SLC41A1: variants seen among roughly 807,000 people sequenced by gnomAD.
The protein encoded by SLC41A1 is solute carrier family 41 (magnesium transporter), member 1.
Under a neutral mutation model 47.3 loss-of-function variants are expected in SLC41A1, and 20 were observed. The observed-to-expected ratio is 0.42, with a 90% CI of 0.30 to 0.61. The LOEUF (loss-of-function observed/expected upper bound fraction) is 0.61. Ranked by LOEUF, SLC41A1 falls within the 20% of genes least tolerant of loss-of-function variation. SLC41A1 has a pLI of 0.17. For synonymous variants in SLC41A1, 282 were observed against 272.7 expected (o/e 1.03, Z -0.34); for missense variants, 504 against 674.1 (o/e 0.75, Z 2.79).
rs1656191836 is a variant in SLC41A1 at position 205,812,865 on chromosome 1, C to G, written c.-704G>C. On this transcript the variant is annotated 5_prime_UTR_variant, in exon 1 of 11. Coordinates refer to ENST00000367137, the MANE Select transcript of SLC41A1 (RefSeq NM_173854.6). ...GGCAAGTGGCAGCGTGGCCCGTGGT[C>G]TCGGGGGGTGCAGGGCACCCCCTCT... 1 of 985,394 alleles carries G rather than the reference C, an allele frequency of 1.0e-6. No individual in the cohort carries two copies. 61.0% of individuals were successfully genotyped at this position (985,394 alleles called of 1,614,324 possible).
At chr1:205,805,677 C>T (rs1438171086) in intron 2 of SLC41A1, among the ~76,000 whole-genome samples, 1 of 152,194 alleles carries the variant, frequency 6.6e-6, no homozygotes, top group Non-Finnish European at 1.5e-5. Context: ...GTGTGAGGGG[C>T]TCATGGATCC....
At chr1:205,805,338 G>C (rs1655991274) in intron 2 of SLC41A1, among the ~76,000 whole-genome samples, 1 of 152,226 alleles carries the variant, frequency 6.6e-6, no homozygotes, top group Non-Finnish European at 1.5e-5. Context: ...ACTCTGGAAA[G>C]AGATGCTGGA....
intron 8 of SLC41A1, chr1:205,795,772 C>T (rs1211864214): frequency 6.1e-6 from 3 of 491,130 alleles, no homozygotes; most frequent in African/African-American, 3.9e-5. Flanking sequence ...GGAAAGGATA[C>T]GTGCAGATCT....
At position 205,803,039 on chromosome 1, in the gene SLC41A1, C is replaced by G. The variant is rs375787945; in HGVS notation, c.373-1979G>C. ...CAAAAATTAGCCGGGAATGGTGGCG[C>G]ACACCTGTAATCCCAGCTACTGGGG... On this transcript the variant is annotated intron_variant, in intron 2 of 10. Transcript: ENST00000367137. 1.0e-3 allele frequency among the ~76,000 whole-genome samples: 157 copies of G among 152,160 alleles called. 1 individual carries two copies. The South Asian group carries it at 0.025, about 24-fold the overall frequency.
chr1:205,808,223 T>C (rs1228144710), intron 2 of SLC41A1, among the ~76,000 whole-genome samples: 1 of 152,190 alleles, frequency 6.6e-6, no homozygotes, highest in Non-Finnish European at 1.5e-5. Flanking sequence ...CCCAAAGTGC[T>C]AGGATTACAG....
chr1:205,794,529 T>C (rs1474726264), intron 10 of SLC41A1, among the ~76,000 whole-genome samples: 1 of 152,130 alleles, frequency 6.6e-6, no homozygotes, highest in African/African-American at 2.4e-5. Flanking sequence ...AACAGAGCCA[T>C]GTGGAGCTCT....
intron 1 of SLC41A1, among the ~76,000 whole-genome samples, chr1:205,812,410 A>G (rs1656178373): frequency 6.6e-6 from 1 of 152,176 alleles, no homozygotes; most frequent in African/African-American, 2.4e-5. Context: ...CCAGGAGGAA[A>G]CCTCTGAGTC....
rs73082312 is a variant in SLC41A1, at chr1:205,807,445, G to C, written c.372+2625C>G. 1.3e-3 allele frequency among the ~76,000 whole-genome samples: 191 copies of C among 152,302 alleles called. 1 individual carries two copies. Among genetic ancestry groups the C allele is most frequent in the African/African-American group, 3.9e-3 (161 of 41,552 alleles). On this transcript the variant is annotated intron_variant, in intron 2 of 10. Transcript: ENST00000367137. ...CTCAATGTCTCCAGCTCATGGGCCT[G>C]GAGTGGGGATGGGGCAACACATCAG...
intron 7 of SLC41A1, among the ~76,000 whole-genome samples, chr1:205,797,507 G>A (rs1475849462): frequency 2.0e-5 from 3 of 152,242 alleles, no homozygotes; most frequent in Non-Finnish European, 4.4e-5. Flanking sequence ...GTCACCAGAT[G>A]AGAAGCAGTG....
chr1:205,800,189 G>A (rs905136429), intron 3 of SLC41A1, among the ~76,000 whole-genome samples: 3 of 152,224 alleles, frequency 2.0e-5, no homozygotes, highest in African/African-American at 4.8e-5. Context: ...GCCAGCCTGC[G>A]ATCCCAGGGA....
In SLC41A1 at chr1:205,812,774, C is replaced by G. The variant is rs569026851; in HGVS notation, c.-647+34G>C. ...GCGCCAGGACTGCCGCCCTCCACCA[C>G]CCCCTCCCCGCCCCAGGACCCCACA... On this transcript the variant is annotated intron_variant, in intron 1 of 10. Transcript: ENST00000367137. 1.3e-4 allele frequency: 127 copies of G among 985,432 alleles called. No homozygotes were observed. In the African/African-American group the frequency reaches 1.9e-3, roughly 15 times the overall value. 61.0% of individuals were successfully genotyped at this position (985,432 alleles called of 1,614,324 possible).
rs1655564603 is a variant in SLC41A1 at position 205,789,408 on chromosome 1, C to G, written c.*2125G>C. 6.6e-6 allele frequency: 1 copy of G among 152,314 alleles called. No individual in the cohort carries two copies. Among genetic ancestry groups the G allele is most frequent in the African/African-American group, 2.4e-5 (1 of 41,454 alleles). The allele number at this position is 152,314 out of a possible 1,614,324, so 9.4% of individuals were successfully genotyped here. On this transcript the variant is annotated 3_prime_UTR_variant, in exon 11 of 11. Coordinates refer to ENST00000367137, the MANE Select transcript of SLC41A1 (RefSeq NM_173854.6). ...GCTTTTTAGGCAAAGGAGGTCACTC[C>G]AGAGTCTTCTGGGACTGCCTGGCCA...
chr1:205,797,619 G>C (rs1192825933), intron 7 of SLC41A1, among the ~76,000 whole-genome samples: 1 of 152,268 alleles, frequency 6.6e-6, no homozygotes, highest in Non-Finnish European at 1.5e-5. Flanking sequence ...TGTAGGCCAT[G>C]ACAGAGAAGA....
rs200029523 is a variant in SLC41A1, at chr1:205,810,190, G to C, written c.252C>G (p.Gly84=). ...CCTTGAGCGGGGAAGGTGGCGCAGG[G>C]CCACGGTCTGTGCTGACGTCGTCAC... The part of the protein sequence containing the change: ...NESDDVSTDR[G]PAPPSPLKET... Residue 84 remains glycine (G), a synonymous_variant, in exon 2 of 11, where the codon GGC becomes GGG. Transcript: ENST00000367137. This position sits in a 1 kb window ranked among gnomAD's most constrained non-coding sequence, Gnocchi z 5.5. 42 of 1,614,224 alleles carry C rather than the reference G, an allele frequency of 2.6e-5. No individual in the cohort carries two copies. The East Asian group carries it at 8.7e-4, about 33-fold the overall frequency.
intron 10 of SLC41A1, among the ~76,000 whole-genome samples, chr1:205,792,067 G>A (rs1331028314): frequency 3.3e-5 from 5 of 152,184 alleles, no homozygotes; most frequent in Non-Finnish European, 7.3e-5. Flanking sequence ...CTAACTCTGG[G>A]TCACCTCATT....
In SLC41A1 at chr1:205,798,912, C is replaced by T. The variant is rs1655808082; in HGVS notation, c.697+45G>A. 6 of 1,614,026 alleles carry T rather than the reference C, an allele frequency of 3.7e-6. No individual in the cohort carries two copies. In the South Asian group the frequency reaches 5.5e-5, roughly 15 times the overall value. On this transcript the variant is annotated intron_variant, in intron 5 of 10. Transcript: ENST00000367137. ...GAGTGGAAGTGCCAGGTGCAGTGTT[C>T]TCTGGGGCGGCACTCCTTACTCCTC... is the stretch of plus-strand genomic sequence containing the variant.
chr1:205,809,388 A>G (rs888037367), intron 2 of SLC41A1, among the ~76,000 whole-genome samples: 7 of 152,308 alleles, frequency 4.6e-5, no homozygotes, highest in Admixed American at 4.6e-4. Flanking sequence ...GGTGAGGAGC[A>G]AAGAGGAGAG....
chr1:205,803,818 A>G (rs997722107), intron 2 of SLC41A1, among the ~76,000 whole-genome samples: 1 of 151,962 alleles, frequency 6.6e-6, no homozygotes, highest in Non-Finnish European at 1.5e-5. Flanking sequence ...CAGGGGTTTC[A>G]CTATATTGCC....
intron 2 of SLC41A1, among the ~76,000 whole-genome samples, chr1:205,804,278 T>C (rs34605481): frequency 0.024 from 3,597 of 152,016 alleles, 57 homozygotes; most frequent in Middle Eastern, 0.085. Flanking sequence ...GTGAATGGGG[T>C]GGGAGGCCTC....
Sources: allele counts gnomAD v4.1 joint callset (sites outside exome capture counted in the v4.1 genomes callset), GRCh38; gene constraint gnomAD v4.1.1; non-coding constraint Gnocchi (gnomAD v3.1); transcripts MANE v1.5; gene names NCBI Gene and HGNC (gene_info 2026-07-23, HGNC 2026-07-21).